Variants in HOMER1 observed in about 807,000 individuals in gnomAD.
HOMER1 encodes the protein homer scaffold protein 1.
Under a neutral mutation model 48.9 loss-of-function variants are expected in HOMER1, and 3 were observed. The ratio of observed to expected loss-of-function variants is 0.06; its 90% CI spans 0.03 to 0.16. HOMER1 has a LOEUF of 0.16. Ranked by LOEUF, HOMER1 falls within the 10% of genes least tolerant of loss-of-function variation. HOMER1 has a pLI of 1.00. For missense variants in HOMER1, 247 were observed against 411.4 expected, an observed-to-expected ratio of 0.60 and a Z score of 3.46; for synonymous variants, 134 against 146.4, an observed-to-expected ratio of 0.92 and a Z score of 0.61.
At chr5:79,491,397 C>T (rs1752272049) in intron 1 of HOMER1, among the ~76,000 whole-genome samples, 1 of 136,510 alleles carries the variant, frequency 7.3e-6, no homozygotes, top group Non-Finnish European at 1.5e-5. Flanking sequence ...CGAGACTGTG[C>T]CACTACACTC....
chr5:79,383,320 A>G (rs1749027614), intron 8 of HOMER1, among the ~76,000 whole-genome samples: 1 of 152,194 alleles, frequency 6.6e-6, no homozygotes, highest in Non-Finnish European at 1.5e-5. Context: ...CAGAAAATCA[A>G]CAAAGAATCA....
chr5:79,468,508 G>C (rs1477991659), intron 1 of HOMER1, among the ~76,000 whole-genome samples: 1 of 152,122 alleles, frequency 6.6e-6, no homozygotes, highest in Non-Finnish European at 1.5e-5. Context: ...AATTGATTTT[G>C]ACTTCCTTTT....
chr5:79,477,280 G>A (rs1751808500), intron 1 of HOMER1, among the ~76,000 whole-genome samples: 1 of 152,132 alleles, frequency 6.6e-6, no homozygotes, highest in Admixed American at 6.5e-5. Flanking sequence ...ACTATTTATT[G>A]GACAATTTGC....
At chr5:79,439,538 A>G (rs557688678) in intron 4 of HOMER1, among the ~76,000 whole-genome samples, 1 of 152,258 alleles carries the variant, frequency 6.6e-6, no homozygotes, top group South Asian at 2.1e-4. Context: ...AGAAGATGTG[A>G]TTTTGGTGAA....
chr5:79,413,382 G>A (rs1749856720), intron 5 of HOMER1, among the ~76,000 whole-genome samples: 1 of 152,042 alleles, frequency 6.6e-6, no homozygotes, highest in African/African-American at 2.4e-5. Context: ...TAGTTATATA[G>A]GTCTCAGGAC....
chr5:79,488,559 AAAGCCCAGACTGGGC>A (rs1233815359), intron 1 of HOMER1, among the ~76,000 whole-genome samples: 3 of 152,216 alleles, frequency 2.0e-5, no homozygotes, highest in Non-Finnish European at 4.4e-5. Context: ...GGTAAGCTAA[AAAGCCCAGACTGGGC>A]AATCTGCTGA....
At chr5:79,500,927 T>TTTTGTG (rs1554063970) in intron 1 of HOMER1, among the ~76,000 whole-genome samples, 21 of 124,354 alleles carry the variant, frequency 1.7e-4, no homozygotes, top group South Asian at 5.1e-4. Flanking sequence ...ACCCAGCCAT[T>TTTTGTG]TGTGTGTGTG....
At chr5:79,507,448 G>A (rs947833337) in intron 1 of HOMER1, among the ~76,000 whole-genome samples, 2 of 151,762 alleles carry the variant, frequency 1.3e-5, no homozygotes, top group African/African-American at 4.8e-5. Context: ...AAAACAAACA[G>A]AAATATTAGC....
chr5:79,399,593 C>T (rs1749482036), intron 6 of HOMER1, among the ~76,000 whole-genome samples: 1 of 152,138 alleles, frequency 6.6e-6, no homozygotes, highest in Non-Finnish European at 1.5e-5. Flanking sequence ...TACATGAATT[C>T]TAACAAAGCA....
intron 1 of HOMER1, among the ~76,000 whole-genome samples, chr5:79,511,823 G>A (rs908759047): frequency 3.3e-5 from 5 of 152,188 alleles, no homozygotes; most frequent in Admixed American, 2.0e-4. Context: ...ATGAATTGCA[G>A]AGTCCATTCT....
intron 8 of HOMER1, 95 bp downstream of exon 8, chr5:79,396,728 C>A: frequency 6.6e-6 from 4 of 602,234 alleles, no homozygotes; most frequent in South Asian, 2.7e-5. Context: ...TGACCAAAAA[C>A]CTACAAAATG....
At chr5:79,435,903 G>A (rs1750567600) in intron 5 of HOMER1, among the ~76,000 whole-genome samples, 1 of 149,414 alleles carries the variant, frequency 6.7e-6, no homozygotes, top group South Asian at 2.1e-4. Flanking sequence ...GAGGCGGGTG[G>A]ATCATGAGGT....
In HOMER1 at chr5:79,456,886, C is replaced by T; in HGVS notation, c.138G>A (p.Arg46=). 3 of 1,614,074 alleles carry T rather than the reference C, an allele frequency of 1.9e-6. No individual in the cohort carries two copies. The highest frequency in any genetic ancestry group is 2.5e-6 in the Non-Finnish European group (3 of 1,179,972). ...CCTTTGAGCCATCTAAACTGATTAT[C>T]CTATACACATTTCTTGTGCTGTCAT... ...YFYDSTRNVY[R]IISLDGSKAI... is the part of the protein sequence containing the mutation. Residue 46 remains arginine (R), a synonymous_variant, in exon 2 of 9, where the codon AGG becomes AGA. Coordinates refer to ENST00000334082, the MANE Select transcript of HOMER1 (RefSeq NM_004272.5).
intron 5 of HOMER1, among the ~76,000 whole-genome samples, chr5:79,404,856 G>A (rs1056136363): frequency 5.6e-5 from 8 of 141,770 alleles, no homozygotes; most frequent in African/African-American, 1.9e-4. Context: ...CCACCACCAC[G>A]CCCAGCTATT....
intron 1 of HOMER1, among the ~76,000 whole-genome samples, chr5:79,469,209 T>A (rs142060633): frequency 6.6e-6 from 1 of 152,154 alleles, no homozygotes; most frequent in Non-Finnish European, 1.5e-5. Context: ...AGTAAATGCA[T>A]GTTAGTCAAA....
chr5:79,504,009 ATT>A (rs1243837214), intron 1 of HOMER1, among the ~76,000 whole-genome samples: 4 of 152,240 alleles, frequency 2.6e-5, no homozygotes, highest in African/African-American at 4.8e-5. Flanking sequence ...ATTAATGTCT[ATT>A]TCCACTATAC....
At chr5:79,405,505 G>T (rs1749640521) in intron 5 of HOMER1, among the ~76,000 whole-genome samples, 1 of 152,162 alleles carries the variant, frequency 6.6e-6, no homozygotes, top group Non-Finnish European at 1.5e-5. Flanking sequence ...GCTTTTCTGT[G>T]ATGAGCTCTT....
chr5:79,400,356 T>C (rs967944020), intron 6 of HOMER1, among the ~76,000 whole-genome samples: 1 of 140,200 alleles, frequency 7.1e-6, no homozygotes, highest in Non-Finnish European at 1.6e-5. Flanking sequence ...CTTTTCTTTC[T>C]TTTTTTTTTT....
chr5:79,450,006 GAAT>G (rs936123155), intron 3 of HOMER1, among the ~76,000 whole-genome samples: 65 of 152,126 alleles, frequency 4.3e-4, no homozygotes, highest in African/African-American at 1.4e-3. Flanking sequence ...TTTGAATACA[GAAT>G]AATTTCTGTA....
Sources: allele counts gnomAD v4.1 joint callset (sites outside exome capture counted in the v4.1 genomes callset), GRCh38; gene constraint gnomAD v4.1.1; transcripts MANE v1.5; gene names NCBI Gene and HGNC (gene_info 2026-07-23, HGNC 2026-07-21).